The following COL19A1 variants were observed in gnomAD, a reference collection of about 807,000 sequenced individuals.
COL19A1 encodes the protein collagen alpha-1(XIX) chain.
Under a neutral mutation model 190.2 loss-of-function variants are expected in COL19A1, and 159 were observed. That is an observed-to-expected ratio of 0.84 (90% CI 0.73 to 0.95). COL19A1 has a LOEUF of 0.95. Among genes scored for constraint, COL19A1 ranks in the 40% least tolerant of loss-of-function variants. The probability of loss-of-function intolerance (pLI) is 0.00; values close to 1 mark genes in which losing one functional copy is unlikely to be tolerated. For missense variants in COL19A1, 1,418 were observed against 1,431.9 expected (o/e 0.99, Z 0.16); for synonymous variants, 509 against 458.9 (o/e 1.11, Z -1.39).
intron 42 of COL19A1, among the ~76,000 whole-genome samples, chr6:70,179,025 T>C (rs1167620272): frequency 6.6e-6 from 1 of 152,066 alleles, no homozygotes; most frequent in Admixed American, 6.6e-5. Context: ...GCCCGAGCCC[T>C]CTATACCCGC....
chr6:69,969,172 G>A (rs1008228813), intron 11 of COL19A1, among the ~76,000 whole-genome samples: 12 of 152,108 alleles, frequency 7.9e-5, no homozygotes, highest in Admixed American at 5.2e-4. Context: ...ATATACAAAA[G>A]TAATATAAAA....
At chr6:70,087,069 T>A (rs763335431) in intron 15 of COL19A1, among the ~76,000 whole-genome samples, 1 of 152,192 alleles carries the variant, frequency 6.6e-6, no homozygotes, top group Non-Finnish European at 1.5e-5. Context: ...GTGCTTACAA[T>A]AGCAGAGTTG....
intron 11 of COL19A1, among the ~76,000 whole-genome samples, chr6:69,999,218 C>G (rs745948592): frequency 2.0e-5 from 3 of 150,650 alleles, no homozygotes; most frequent in Non-Finnish European, 1.5e-5. Flanking sequence ...CCACCATGCC[C>G]GGCCTTCTTT....
chr6:70,163,480 A>T, intron 36 of COL19A1, 84 bp downstream of exon 36: 1 of 1,289,936 alleles, frequency 7.8e-7, no homozygotes, highest in South Asian at 1.3e-5. Context: ...AGAGCCATAA[A>T]ATCAAGCAAA....
chr6:70,207,008 G>A (rs758248443), intron 50 of COL19A1, 30 bp downstream of exon 50: 8 of 1,609,990 alleles, frequency 5.0e-6, no homozygotes, highest in African/African-American at 1.3e-5. Context: ...CACAACACAA[G>A]CAAGCCTTTA....
intron 10 of COL19A1, among the ~76,000 whole-genome samples, chr6:69,961,918 G>T (rs934004385): frequency 2.6e-5 from 4 of 152,032 alleles, no homozygotes; most frequent in Non-Finnish European, 5.9e-5. Flanking sequence ...TAAATTTTAT[G>T]TACCAAGGGT....
rs745496463 is a variant in COL19A1 at position 69,938,023 on chromosome 6, T to A, written c.874-15T>A. On this transcript the variant is annotated splice_polypyrimidine_tract_variant and intron_variant, in intron 8 of 50. Transcript: ENST00000620364. ...GACAGAATGTTTGCTAACACAGATA[T>A]GCATTTTTGCTCAGGGAGAAGCAGG... 6.2e-7 allele frequency: 1 copy of A among 1,612,040 alleles called. No individual in the cohort carries two copies. Among genetic ancestry groups the A allele is most frequent in the African/African-American group, 1.3e-5 (1 of 74,898 alleles).
intron 42 of COL19A1, among the ~76,000 whole-genome samples, chr6:70,179,905 T>G (rs1363917845): frequency 2.0e-5 from 3 of 152,000 alleles, no homozygotes; most frequent in African/African-American, 7.3e-5. Flanking sequence ...TTTATTGAGA[T>G]GGAGTCTCAC....
chr6:70,158,432 C>T (rs140560723), intron 34 of COL19A1, among the ~76,000 whole-genome samples: 2 of 152,174 alleles, frequency 1.3e-5, no homozygotes, highest in African/African-American at 4.8e-5. Flanking sequence ...TACAGAGGGA[C>T]ACCCCATCTC....
intron 2 of COL19A1, among the ~76,000 whole-genome samples, chr6:69,882,337 G>A (rs1325246400): frequency 6.6e-6 from 1 of 150,618 alleles, no homozygotes; most frequent in Admixed American, 6.6e-5. Context: ...AGATATATTT[G>A]TTTATTTTCC....
At position 70,207,387 on chromosome 6, in the gene COL19A1, T is replaced by TG. The variant is rs1554228347; in HGVS notation, c.*116dup. On this transcript the variant is annotated 3_prime_UTR_variant, in exon 51 of 51. Coordinates refer to ENST00000620364, the MANE Select transcript of COL19A1 (RefSeq NM_001858.6). ...TGCTTTTTTTTTTTTTTTTTTTTTT[T>TG]GGGAGTAAGCCAGGCATTAAAAGCA... is the stretch of plus-strand genomic sequence containing the variant. 2.2e-5 allele frequency: 19 copies of TG among 848,346 alleles called. No individual in the cohort carries two copies. The highest frequency in any genetic ancestry group is 3.2e-4 in the Middle Eastern group (1 of 3,140). The allele number at this position is 848,346 out of a possible 1,614,324, so 52.6% of individuals were successfully genotyped here.
At chr6:70,001,553 G>A (rs924336628) in intron 11 of COL19A1, among the ~76,000 whole-genome samples, 6 of 152,074 alleles carry the variant, frequency 3.9e-5, no homozygotes, top group African/African-American at 1.4e-4. Flanking sequence ...CTTAAGCAGT[G>A]GTTTGTAGTT....
At chr6:69,981,308 A>G (rs1382233759) in intron 11 of COL19A1, among the ~76,000 whole-genome samples, 1 of 152,206 alleles carries the variant, frequency 6.6e-6, no homozygotes, top group East Asian at 1.9e-4. Flanking sequence ...TATATCATAG[A>G]GTATTATAGA....
intron 11 of COL19A1, among the ~76,000 whole-genome samples, chr6:70,002,417 T>G (rs929931379): frequency 1.1e-4 from 17 of 152,098 alleles, no homozygotes; most frequent in Admixed American, 3.3e-4. Context: ...CTTTTTCAGT[T>G]TCAGAAGGAA....
rs1469589451 is a variant in COL19A1, at chr6:70,207,801, C to T, written c.*527C>T. ...AACTTAAGAATTTTTATACCATCTA[C>T]ATCTATCCTACTTATGCAGAAAAAT... On this transcript the variant is annotated 3_prime_UTR_variant, in exon 51 of 51. Transcript: ENST00000620364. The T allele has an allele frequency of 1.3e-5, 2 of 152,056 alleles. No homozygotes were observed. The highest frequency in any genetic ancestry group is 4.8e-5 in the African/African-American group (2 of 41,398). 9.4% of individuals were successfully genotyped at this position (152,056 alleles called of 1,614,324 possible). A position where few individuals can be genotyped will look rare whatever the true frequency, so the allele number is the denominator to read the frequency against.
chr6:70,089,365 G>C (rs947035339), intron 15 of COL19A1, among the ~76,000 whole-genome samples: 3 of 151,936 alleles, frequency 2.0e-5, no homozygotes, highest in African/African-American at 7.3e-5. Context: ...GTATTTTTTA[G>C]GGCATCTTTG....
chr6:69,936,311 G>T (rs760544441), intron 7 of COL19A1, among the ~76,000 whole-genome samples: 11 of 152,024 alleles, frequency 7.2e-5, no homozygotes, highest in Non-Finnish European at 1.3e-4. Context: ...AATAAATGTT[G>T]TCTAAGAGTG....
intron 15 of COL19A1, among the ~76,000 whole-genome samples, chr6:70,095,168 T>C (rs1404425267): frequency 6.8e-6 from 1 of 147,424 alleles, no homozygotes; most frequent in Non-Finnish European, 1.5e-5. Flanking sequence ...ATTATGTTTA[T>C]GAGAAACATT....
At chr6:69,988,164 C>T (rs1776409995) in intron 11 of COL19A1, among the ~76,000 whole-genome samples, 2 of 152,114 alleles carry the variant, frequency 1.3e-5, no homozygotes, top group South Asian at 4.1e-4. Flanking sequence ...CATTTTCTTT[C>T]CCCATTCTTA....
Sources: allele counts gnomAD v4.1 joint callset (sites outside exome capture counted in the v4.1 genomes callset), GRCh38; gene constraint gnomAD v4.1.1; transcripts MANE v1.5; gene names NCBI Gene and HGNC (gene_info 2026-07-23, HGNC 2026-07-21).